Variants in TENM1 observed in about 807,000 individuals in gnomAD.
TENM1 encodes teneurin transmembrane protein 1.
TENM1 carries 35 observed loss-of-function variants against 174.8 expected under a neutral mutation model. The observed-to-expected ratio is 0.20, with a 90% CI of 0.15 to 0.27. TENM1 has a LOEUF of 0.27. Among genes scored for constraint, TENM1 ranks in the 10% least tolerant of loss-of-function variants. TENM1 has a pLI of 1.00. For missense variants in TENM1, 1,633 were observed against 2,130.1 expected, an observed-to-expected ratio of 0.77 and a Z score of 4.59; for synonymous variants, 781 against 798.7, an observed-to-expected ratio of 0.98 and a Z score of 0.37.
chrX:124,739,530 T>G (rs183678869), intron 3 of TENM1, among the ~76,000 whole-genome samples: 1 of 111,679 alleles, frequency 9.0e-6, no homozygotes. Flanking sequence ...TTTTAACAGA[T>G]AGACTGAACT....
At chrX:125,133,264 C>A in the TENM1 span, among the ~76,000 whole-genome samples, 1 of 111,632 alleles carries the variant, frequency 9.0e-6, no homozygotes, top group Non-Finnish European at 1.9e-5. Context: ...AAAGGGAGGG[C>A]CTTTAGGGAT....
At chrX:125,133,282 G>A in the TENM1 span, among the ~76,000 whole-genome samples, 12 of 111,965 alleles carry the variant, frequency 1.1e-4, no homozygotes, top group South Asian at 1.5e-3. Context: ...GATTACAGGC[G>A]TGAGCCACCG....
intron 16 of TENM1, among the ~76,000 whole-genome samples, chrX:124,528,448 A>G (rs1432016859): frequency 9.0e-6 from 1 of 111,196 alleles, no homozygotes; most frequent in Admixed American, 9.6e-5. Context: ...GTCAAAGTCA[A>G]ATGTCTCAGA....
the TENM1 span, among the ~76,000 whole-genome samples, chrX:125,031,095 T>C: frequency 9.1e-6 from 1 of 110,254 alleles, no homozygotes; most frequent in African/African-American, 3.3e-5. Context: ...AACAGTTTTT[T>C]AACTCTTCCC....
the TENM1 span, among the ~76,000 whole-genome samples, chrX:125,189,965 G>A: frequency 1.8e-5 from 2 of 111,179 alleles, no homozygotes; most frequent in African/African-American, 3.3e-5. Context: ...GACTTTGGGC[G>A]GCATATAGGT....
intron 11 of TENM1, among the ~76,000 whole-genome samples, chrX:124,588,042 C>T (rs748350433): frequency 7.2e-5 from 8 of 111,653 alleles, no homozygotes; most frequent in African/African-American, 2.0e-4. Flanking sequence ...AGGAAACAAC[C>T]GGTGTTGGAG....
chrX:124,983,915 A>G, the TENM1 span, among the ~76,000 whole-genome samples: 48 of 111,934 alleles, frequency 4.3e-4, no homozygotes, highest in African/African-American at 1.5e-3. Flanking sequence ...GTGCCCGGGC[A>G]ATAAGTGATA....
the TENM1 span, among the ~76,000 whole-genome samples, chrX:125,041,761 T>C: frequency 9.0e-6 from 1 of 111,665 alleles, no homozygotes; most frequent in East Asian, 2.8e-4. Flanking sequence ...TTCTGAGAAT[T>C]TCAGGCACAT....
At chrX:125,060,014 A>G in the TENM1 span, among the ~76,000 whole-genome samples, 3 of 109,531 alleles carry the variant, frequency 2.7e-5, no homozygotes, top group South Asian at 1.2e-3. Context: ...AAAAAATCCT[A>G]CCTTCAGATT....
rs746533503 is a variant in TENM1 at position 124,869,979 on chromosome X, T to C, written c.535+24317A>G. On this transcript the variant is annotated intron_variant, in intron 3 of 31. Transcript: ENST00000422452. ...ATGTTAAAATAGCTTAAGAGTGTAA[T>C]TGGAGTGTTTGTAACTCAAAGGATA... is the stretch of plus-strand genomic sequence containing the variant. 8.1e-5 allele frequency among the ~76,000 whole-genome samples: 9 copies of C among 111,450 alleles called. No homozygotes were observed. In the East Asian group the frequency reaches 2.3e-3, roughly 28 times the overall value.
chrX:124,600,222 C>T (rs998791206), intron 11 of TENM1, among the ~76,000 whole-genome samples: 2 of 109,694 alleles, frequency 1.8e-5, no homozygotes, highest in Admixed American at 9.7e-5. Flanking sequence ...AGGCACAGGG[C>T]AGGGAAAGTG....
the TENM1 span, among the ~76,000 whole-genome samples, chrX:125,173,989 A>G: frequency 8.9e-6 from 1 of 111,833 alleles, no homozygotes; most frequent in Non-Finnish European, 1.9e-5. Flanking sequence ...TGAAGCAATG[A>G]TGGAACCTAA....
At chrX:125,147,104 TTA>T in the TENM1 span, among the ~76,000 whole-genome samples, 75 of 109,119 alleles carry the variant, frequency 6.9e-4, 1 homozygote, top group East Asian at 5.5e-3. Context: ...TATATCTAAT[TTA>T]TATATATCTT....
the TENM1 span, among the ~76,000 whole-genome samples, chrX:125,135,834 CTTAA>C: frequency 4.5e-5 from 5 of 111,773 alleles, no homozygotes; most frequent in Non-Finnish European, 7.5e-5. Context: ...CTAAATGCAA[CTTAA>C]TTGTTATGCT....
intron 22 of TENM1, among the ~76,000 whole-genome samples, chrX:124,454,188 C>A (rs2061076642): frequency 9.0e-6 from 1 of 111,009 alleles, no homozygotes; most frequent in Non-Finnish European, 1.9e-5. Context: ...TACTGAATAC[C>A]CCACTTACAA....
rs545148618 is a variant in TENM1 at position 124,773,355 on chromosome X, G to C, written c.536-36158C>G. Among the ~76,000 whole-genome samples, 25 of 108,495 alleles carry C rather than the reference G, an allele frequency of 2.3e-4. No homozygotes were observed. The South Asian group carries it at 9.5e-3, about 41-fold the overall frequency. 94.2% of individuals were successfully genotyped at this position (108,495 alleles called of 115,157 possible). A position where few individuals can be genotyped will look rare whatever the true frequency, so the allele number is the denominator to read the frequency against. On this transcript the variant is annotated intron_variant, in intron 3 of 31. Coordinates refer to ENST00000422452, the Ensembl canonical transcript of TENM1. ...AACCAAACTACCCTGAGGCAATATA[G>C]AGTAGGAATTAAGAATTCGGCTTCT...
chrX:124,793,200 A>G (rs747661584), intron 3 of TENM1, among the ~76,000 whole-genome samples: 13 of 111,670 alleles, frequency 1.2e-4, no homozygotes, highest in Non-Finnish European at 2.3e-4. Context: ...TCAATAAATT[A>G]TGATCAATAT....
In TENM1 at chrX:124,933,797, C is replaced by T. The variant is rs753732817; in HGVS notation, c.217+29740G>A. On this transcript the variant is annotated intron_variant, in intron 1 of 31. Transcript: ENST00000422452. ...AGGAGTCAAAGGATCTCTATTTGGC[C>T]ACACTTTATTTACCCAGTTTAAATT... is the stretch of plus-strand genomic sequence containing the variant. Among the ~76,000 whole-genome samples, 12 of 111,473 alleles carry T rather than the reference C, an allele frequency of 1.1e-4. No individual in the cohort carries two copies. The South Asian group carries it at 3.8e-3, about 35-fold the overall frequency.
At chrX:124,774,850 C>T (rs1346818931) in intron 3 of TENM1, among the ~76,000 whole-genome samples, 1 of 110,803 alleles carries the variant, frequency 9.0e-6, no homozygotes. Flanking sequence ...GAAACTCTTC[C>T]TACTTAATAT....
Sources: gnomAD v4.1 joint callset for allele counts (sites outside exome capture counted in the v4.1 genomes callset) on GRCh38, gnomAD v4.1.1 for gene constraint, MANE v1.5 for transcripts, NCBI Gene and HGNC (gene_info 2026-07-23, HGNC 2026-07-21) for gene names.